TFAP2D: variants seen among roughly 807,000 people sequenced by gnomAD.
TFAP2D encodes transcription factor AP-2 delta, also known as transcription factor AP-2-delta.
Under a neutral mutation model 43.6 loss-of-function variants are expected in TFAP2D, and 9 were observed. The ratio of observed to expected loss-of-function variants is 0.21; its 90% CI spans 0.12 to 0.36. The LOEUF is 0.36. TFAP2D is among the 10% of genes least tolerant of loss of function. The pLI is 1.00. For synonymous variants in TFAP2D, 256 were observed against 224.9 expected (o/e 1.14, Z -1.24); for missense variants, 513 against 561.4 (o/e 0.91, Z 0.87).
chr6:50,742,403 A>G (rs1228353176), intron 5 of TFAP2D, among the ~76,000 whole-genome samples: 1 of 152,140 alleles, frequency 6.6e-6, no homozygotes, highest in East Asian at 1.9e-4. Context: ...AGAGCTTTGC[A>G]TAAAATGGGA....
chr6:50,720,565 T>C (rs1011738050), intron 3 of TFAP2D, among the ~76,000 whole-genome samples: 1 of 151,338 alleles, frequency 6.6e-6, no homozygotes, highest in Admixed American at 6.6e-5. Context: ...TCCACAAAGA[T>C]TTTTTAAATG....
chr6:50,771,485 G>A (rs566880321), intron 7 of TFAP2D, among the ~76,000 whole-genome samples: 55 of 152,252 alleles, frequency 3.6e-4, no homozygotes, highest in Non-Finnish European at 7.8e-4. Context: ...GAAGTCAGAG[G>A]GACAGCTAGC....
chr6:50,741,197 G>A (rs899241546), intron 5 of TFAP2D, among the ~76,000 whole-genome samples: 6 of 151,926 alleles, frequency 3.9e-5, no homozygotes, highest in East Asian at 1.9e-4. Flanking sequence ...GGGTTACTAC[G>A]TGGCACATAC....
At position 50,714,010 on chromosome 6, in the gene TFAP2D, T is replaced by G; in HGVS notation, c.-46T>G. On this transcript the variant is annotated 5_prime_UTR_variant, in exon 1 of 8. Transcript: ENST00000008391. ...TTTGGATTTTTTTTTCCCGATTCTT[T>G]TTTTGGAGGGGGAAATTGCATCGTA... 6.2e-7 allele frequency: 1 copy of G among 1,609,950 alleles called. No individual in the cohort carries two copies. Among genetic ancestry groups the G allele is most frequent in the Non-Finnish European group, 8.5e-7 (1 of 1,178,848 alleles).
At chr6:50,725,711 T>G (rs1358130890) in intron 3 of TFAP2D, among the ~76,000 whole-genome samples, 1 of 152,208 alleles carries the variant, frequency 6.6e-6, no homozygotes, top group Non-Finnish European at 1.5e-5. Flanking sequence ...TGGATTATCT[T>G]AAAGAAGTAT....
At chr6:50,743,155 C>G (rs544072365) in intron 5 of TFAP2D, among the ~76,000 whole-genome samples, 2 of 152,178 alleles carry the variant, frequency 1.3e-5, no homozygotes, top group East Asian at 3.9e-4. Context: ...ATGTTTTCCA[C>G]CACACAGATA....
At chr6:50,739,068 G>A (rs1179684151) in intron 5 of TFAP2D, among the ~76,000 whole-genome samples, 1 of 152,146 alleles carries the variant, frequency 6.6e-6, no homozygotes, top group African/African-American at 2.4e-5. Context: ...GATACGGGGT[G>A]AAACACTTTT....
intron 7 of TFAP2D, among the ~76,000 whole-genome samples, chr6:50,755,426 CTGTAAAAAAAAAAAAAAAACTCAAGGAT>C (rs1769250387): frequency 9.5e-6 from 1 of 105,056 alleles, no homozygotes; most frequent in Non-Finnish European, 1.9e-5. Context: ...GCTCTTGAAA[CTGTAAAAAAAAAAAAAAAACTCAAGGAT>C]TGGAGGACAT....
At chr6:50,750,369 A>T (rs947868237) in intron 6 of TFAP2D, among the ~76,000 whole-genome samples, 26 of 151,996 alleles carry the variant, frequency 1.7e-4, no homozygotes, top group Non-Finnish European at 1.9e-4. Flanking sequence ...ACTTTAGATG[A>T]TGGATGTTTT....
chr6:50,739,048 G>A (rs566848839), intron 5 of TFAP2D, among the ~76,000 whole-genome samples: 4 of 152,278 alleles, frequency 2.6e-5, no homozygotes, highest in African/African-American at 9.6e-5. Flanking sequence ...CCTGGCACCA[G>A]AGATTAATTG....
At chr6:50,724,255 G>A (rs1186884581) in intron 3 of TFAP2D, among the ~76,000 whole-genome samples, 4 of 152,104 alleles carry the variant, frequency 2.6e-5, no homozygotes, top group East Asian at 3.9e-4. Flanking sequence ...GGAAACTCTT[G>A]TAATCGCTTA....
chr6:50,740,786 A>C (rs575125881), intron 5 of TFAP2D, among the ~76,000 whole-genome samples: 1 of 152,284 alleles, frequency 6.6e-6, no homozygotes, highest in Non-Finnish European at 1.5e-5. Context: ...AAAGTCAGGT[A>C]TATTTATTTT....
Position 50,715,128 on chromosome 6 carries a change from G to A in TFAP2D, c.52G>A (p.Gly18Arg). Reference sequence around the variant, plus strand: ...CTCTTCCTTCCAGATACGTCACGACGGATCAAACAGCTACCGTTTGATGCA... The same window carrying A: ...CTCTTCCTTCCAGATACGTCACGACAGATCAAACAGCTACCGTTTGATGCA... ...LVHDAEIRHDGSNSYRLMQLG... is the reference protein window; with the variant it reads ...LVHDAEIRHDRSNSYRLMQLG... Residue 18 changes from glycine to arginine, a missense_variant, in exon 2 of 8, where the codon GGA (glycine) becomes AGA (arginine). Gly to Arg is a moderately radical substitution (Grantham distance 125). Around this residue, in one of 3 missense-constraint regions of TFAP2D, gnomAD observed 311 missense variants for 316.2 expected, o/e 0.98. Coordinates refer to ENST00000008391, the MANE Select transcript of TFAP2D (RefSeq NM_172238.4). 4 of 1,613,894 alleles carry A rather than the reference G, an allele frequency of 2.5e-6. No homozygotes were observed. The highest frequency in any genetic ancestry group is 1.1e-5 in the South Asian group (1 of 91,056).
chr6:50,761,564 C>T (rs550456329), intron 7 of TFAP2D, among the ~76,000 whole-genome samples: 9 of 152,010 alleles, frequency 5.9e-5, no homozygotes, highest in Non-Finnish European at 1.0e-4. Flanking sequence ...GGATACCAGG[C>T]GCAACTCTTG....
intron 7 of TFAP2D, among the ~76,000 whole-genome samples, chr6:50,760,723 T>C (rs1041458781): frequency 6.6e-6 from 1 of 152,028 alleles, no homozygotes; most frequent in African/African-American, 2.4e-5. Context: ...ATAGATGCCA[T>C]TGAGTTCTGG....
intron 7 of TFAP2D, among the ~76,000 whole-genome samples, chr6:50,768,277 T>C (rs1186939807): frequency 6.6e-6 from 1 of 150,500 alleles, no homozygotes; most frequent in African/African-American, 2.4e-5. Flanking sequence ...AATTTTCTTT[T>C]TTTTTTTTTT....
intron 1 of TFAP2D, 72 bp from the exon 2 acceptor site, chr6:50,715,044 G>A: frequency 6.4e-7 from 1 of 1,551,964 alleles, no homozygotes; most frequent in Admixed American, 1.8e-5. Context: ...GGCTCCGGGA[G>A]AGCGGCGCCT....
In TFAP2D at chr6:50,718,795, A is replaced by C. The variant is rs183469805; in HGVS notation, c.538-295A>C. Among the ~76,000 whole-genome samples, 21 of 152,352 alleles carry C rather than the reference A, an allele frequency of 1.4e-4. No individual in the cohort carries two copies. The East Asian group carries it at 3.9e-3, about 28-fold the overall frequency. On this transcript the variant is annotated intron_variant, in intron 2 of 7. Coordinates refer to ENST00000008391, the MANE Select transcript of TFAP2D (RefSeq NM_172238.4). ...ACGCTGTGTGCCTTGATGGGGACTC[A>C]AAGGGCTTCTCATTCTCTTATGCCA...
chr6:50,742,631 TGATA>T (rs145383839), intron 5 of TFAP2D, among the ~76,000 whole-genome samples: 2,090 of 142,330 alleles, frequency 0.015, 13 homozygotes, highest in Middle Eastern at 0.026. Flanking sequence ...GATAGATAGA[TGATA>T]GATAGATAGA....
Sources: gnomAD v4.1 joint callset for allele counts (sites outside exome capture counted in the v4.1 genomes callset) on GRCh38, gnomAD v4.1.1 for gene constraint, gnomAD v4.1.1 regional missense constraint, MANE v1.5 for transcripts, NCBI Gene and HGNC (gene_info 2026-07-23, HGNC 2026-07-21) for gene names.